FNIP1: variants seen among roughly 807,000 people sequenced by gnomAD.
FNIP1 encodes the protein folliculin-interacting protein 1.
In FNIP1, 40 loss-of-function variants were observed where a neutral mutation model predicts 124.5. That is an observed-to-expected ratio of 0.32 (90% CI 0.25 to 0.42). The LOEUF is 0.42. FNIP1 is among the 10% of genes least tolerant of loss of function. The probability of loss-of-function intolerance (pLI) is 1.00; values close to 1 mark genes in which losing one functional copy is unlikely to be tolerated. For synonymous variants in FNIP1, 472 were observed against 470.6 expected (o/e 1.00, Z -0.04); for missense variants, 1,176 against 1,403.7 (o/e 0.84, Z 2.59).
chr5:131,662,854 C>T (rs967265157), intron 15 of FNIP1, among the ~76,000 whole-genome samples: 1 of 151,644 alleles, frequency 6.6e-6, no homozygotes, highest in Non-Finnish European at 1.5e-5. Context: ...GTTCTCCTGC[C>T]TCAGCCTCCT....
chr5:131,718,628 T>C (rs1448566656), intron 5 of FNIP1, among the ~76,000 whole-genome samples: 1 of 152,210 alleles, frequency 6.6e-6, no homozygotes, highest in Non-Finnish European at 1.5e-5. Flanking sequence ...GTCCTGTCTT[T>C]AGGGTTAATT....
At position 131,716,540 on chromosome 5, in the gene FNIP1, T is replaced by G. The variant is rs1205826061; in HGVS notation, c.622+25A>C. On this transcript the variant is annotated intron_variant, in intron 6 of 17. Transcript: ENST00000510461. ...GTTACCCTGCTAGTATTTTTTAAACTTATAAAATCAAAGGAACCATTTACC... is the reference window on the plus strand; with the variant it reads ...GTTACCCTGCTAGTATTTTTTAAACGTATAAAATCAAAGGAACCATTTACC... 2.0e-6 allele frequency: 3 copies of G among 1,496,060 alleles called. No individual in the cohort carries two copies. In the African/African-American group the frequency reaches 4.2e-5, roughly 21 times the overall value. The allele number at this position is 1,496,060 out of a possible 1,614,324, so 92.7% of individuals were successfully genotyped here.
intron 1 of FNIP1, among the ~76,000 whole-genome samples, chr5:131,764,365 T>G (rs949497201): frequency 6.7e-6 from 1 of 149,876 alleles, no homozygotes; most frequent in Non-Finnish European, 1.5e-5. Flanking sequence ...TGGAGTACAG[T>G]GACATGTTCA....
chr5:131,776,562 C>T (rs990283075), intron 1 of FNIP1, among the ~76,000 whole-genome samples: 1 of 152,168 alleles, frequency 6.6e-6, no homozygotes, highest in African/African-American at 2.4e-5. Flanking sequence ...GCAGCAACTG[C>T]TACATGTGGC....
intron 11 of FNIP1, among the ~76,000 whole-genome samples, chr5:131,692,400 C>A (rs191889819): frequency 2.3e-4 from 34 of 150,332 alleles, no homozygotes; most frequent in African/African-American, 8.1e-4. Flanking sequence ...TGAAAGGAAT[C>A]AAAGATGATC....
intron 16 of FNIP1, among the ~76,000 whole-genome samples, chr5:131,648,757 CTG>C (rs1233326886): frequency 6.6e-6 from 1 of 152,168 alleles, no homozygotes; most frequent in East Asian, 1.9e-4. Context: ...CTCAAAAACT[CTG>C]TGCTCATCAT....
At chr5:131,645,156 C>T (rs531179816) in intron 17 of FNIP1, among the ~76,000 whole-genome samples, 134 of 151,772 alleles carry the variant, frequency 8.8e-4, no homozygotes, top group South Asian at 5.4e-3. Context: ...CCTGTCTCCA[C>T]AAAAAAATTT....
At chr5:131,749,740 G>C (rs1209355246) in intron 1 of FNIP1, among the ~76,000 whole-genome samples, 1 of 151,922 alleles carries the variant, frequency 6.6e-6, no homozygotes, top group East Asian at 1.9e-4. Flanking sequence ...TTCTATGTTT[G>C]GATATGTTTA....
intron 15 of FNIP1, among the ~76,000 whole-genome samples, chr5:131,657,858 G>C (rs1475465012): frequency 6.6e-6 from 1 of 150,692 alleles, no homozygotes; most frequent in Non-Finnish European, 1.5e-5. Flanking sequence ...GGCTAACATG[G>C]TGAAACCCTG....
chr5:131,735,914 C>T (rs777647404), intron 2 of FNIP1, among the ~76,000 whole-genome samples: 24 of 151,832 alleles, frequency 1.6e-4, no homozygotes, highest in African/African-American at 4.4e-4. Context: ...GGACTACAGG[C>T]GTATGCCACC....
At chr5:131,679,612 A>G (rs1768012849) in intron 11 of FNIP1, among the ~76,000 whole-genome samples, 1 of 152,212 alleles carries the variant, frequency 6.6e-6, no homozygotes, top group Non-Finnish European at 1.5e-5. Flanking sequence ...ACTCAAAACA[A>G]CAGTTTATCT....
chr5:131,790,458 G>T (rs1231661483), intron 1 of FNIP1, among the ~76,000 whole-genome samples: 1 of 106,860 alleles, frequency 9.4e-6, no homozygotes, highest in East Asian at 2.9e-4. Flanking sequence ...CCGCCTGGGC[G>T]ATAGAGCAAG....
rs188211555 is a variant in FNIP1 at position 131,682,839 on chromosome 5, A to T, written c.1203-3664T>A. On this transcript the variant is annotated intron_variant, in intron 11 of 17. Coordinates refer to ENST00000510461, the MANE Select transcript of FNIP1 (RefSeq NM_133372.3). Reference sequence around the variant, plus strand: ...AATACTTTCAGTAATCTGTCCCCTTATTTTTCCCAGTCTGTCCCCTTATTT... The same window carrying T: ...AATACTTTCAGTAATCTGTCCCCTTTTTTTTCCCAGTCTGTCCCCTTATTT... 3.6e-3 allele frequency among the ~76,000 whole-genome samples: 553 copies of T among 152,068 alleles called. 2 individuals carry two copies. Among genetic ancestry groups the T allele is most frequent in the African/African-American group, 0.013 (520 of 41,472 alleles).
intron 3 of FNIP1, among the ~76,000 whole-genome samples, chr5:131,723,804 C>T (rs1192097785): frequency 6.6e-6 from 1 of 152,108 alleles, no homozygotes; most frequent in East Asian, 1.9e-4. Context: ...TGGTTTGCTG[C>T]ATCCATCAAC....
intron 15 of FNIP1, among the ~76,000 whole-genome samples, chr5:131,654,663 G>A (rs1394450836): frequency 1.3e-5 from 2 of 152,184 alleles, no homozygotes; most frequent in Non-Finnish European, 2.9e-5. Flanking sequence ...GGATCTGTGT[G>A]ATAGGGAGTT....
chr5:131,774,312 G>A (rs1489252799), intron 1 of FNIP1, among the ~76,000 whole-genome samples: 2 of 152,178 alleles, frequency 1.3e-5, no homozygotes, highest in Non-Finnish European at 1.5e-5. Context: ...ACATGCATGA[G>A]CCACTGCGTC....
intron 12 of FNIP1, 64 bp from the exon 13 acceptor site, chr5:131,677,936 G>C: frequency 1.3e-6 from 2 of 1,536,592 alleles, no homozygotes; most frequent in Non-Finnish European, 1.8e-6. Flanking sequence ...GTAAAATGTA[G>C]TGAAAAAGTA....
At chr5:131,693,313 TATAC>T (rs1187986234) in intron 11 of FNIP1, among the ~76,000 whole-genome samples, 878 of 20,536 alleles carry the variant, frequency 0.043, 34 homozygotes, top group African/African-American at 0.085. Context: ...TATATATATA[TATAC>T]ACATATATAT....
At chr5:131,732,170 A>C (rs1431070996) in intron 2 of FNIP1, among the ~76,000 whole-genome samples, 1 of 152,184 alleles carries the variant, frequency 6.6e-6, no homozygotes, top group African/African-American at 2.4e-5. Flanking sequence ...GTGCTTTATC[A>C]CAGTTACCAG....
Sources: allele counts gnomAD v4.1 joint callset (sites outside exome capture counted in the v4.1 genomes callset), GRCh38; gene constraint gnomAD v4.1.1; transcripts MANE v1.5; gene names NCBI Gene and HGNC (gene_info 2026-07-23, HGNC 2026-07-21).